The following PTPRD variants were observed in gnomAD, a reference collection of about 807,000 sequenced individuals.
The protein encoded by PTPRD is protein tyrosine phosphatase receptor type D, also known as receptor-type tyrosine-protein phosphatase delta.
A neutral mutation model predicts 214.5 loss-of-function variants in PTPRD; 34 were observed. The observed-to-expected ratio is 0.16, with a 90% CI of 0.12 to 0.21. The LOEUF is 0.21. Ranked by LOEUF, PTPRD falls within the 10% of genes least tolerant of loss-of-function variation. The pLI is 1.00. For missense variants in PTPRD, 2,545 were observed against 2,398.7 expected (o/e 1.06, Z -1.27); for synonymous variants, 1,128 against 845.7 (o/e 1.33, Z -5.79).
At chr9:10,022,327 G>C (rs1272382628) in intron 4 of PTPRD, among the ~76,000 whole-genome samples, 9 of 128,026 alleles carry the variant, frequency 7.0e-5, no homozygotes, top group Non-Finnish European at 1.3e-4. Flanking sequence ...ACATAAGGCA[G>C]TTTGGGTCTC....
chr9:9,471,159 G>A (rs1255723404), intron 8 of PTPRD, among the ~76,000 whole-genome samples: 1 of 152,086 alleles, frequency 6.6e-6, no homozygotes, highest in Admixed American at 6.5e-5. Context: ...GCAAAATAAT[G>A]TATCATTTTC....
At chr9:9,851,580 T>A (rs1242560214) in intron 5 of PTPRD, among the ~76,000 whole-genome samples, 1 of 152,222 alleles carries the variant, frequency 6.6e-6, no homozygotes, top group Non-Finnish European at 1.5e-5. Context: ...TTAGTGCAGG[T>A]ACTTTTGTAG....
At chr9:8,996,040 G>T (rs1464953304) in intron 11 of PTPRD, among the ~76,000 whole-genome samples, 4 of 152,006 alleles carry the variant, frequency 2.6e-5, no homozygotes, top group South Asian at 2.1e-4. Context: ...TTGAAAAACA[G>T]TTTGGCAGTT....
At chr9:8,932,619 G>A (rs532478814) in intron 11 of PTPRD, among the ~76,000 whole-genome samples, 1 of 152,292 alleles carries the variant, frequency 6.6e-6, no homozygotes, top group South Asian at 2.1e-4. Context: ...GCTTTGCCAA[G>A]TTGTGGTGGG....
intron 12 of PTPRD, among the ~76,000 whole-genome samples, chr9:8,657,121 G>C (rs975800154): frequency 4.0e-5 from 6 of 149,468 alleles, no homozygotes; most frequent in Non-Finnish European, 8.9e-5. Context: ...TTGGTCACAT[G>C]TATGTCTTCT....
intron 5 of PTPRD, among the ~76,000 whole-genome samples, chr9:9,876,062 T>C (rs2066768211): frequency 6.6e-6 from 1 of 151,914 alleles, no homozygotes; most frequent in African/African-American, 2.4e-5. Flanking sequence ...GAATAAAGGA[T>C]AGTTGGAAGG....
intron 5 of PTPRD, among the ~76,000 whole-genome samples, chr9:9,804,675 A>T (rs2099062114): frequency 6.6e-6 from 1 of 152,058 alleles, no homozygotes; most frequent in African/African-American, 2.4e-5. Context: ...ACTCATGAAC[A>T]TAAAGGCATT....
intron 10 of PTPRD, among the ~76,000 whole-genome samples, chr9:9,085,171 C>G (rs892852640): frequency 6.6e-6 from 1 of 151,786 alleles, no homozygotes; most frequent in Non-Finnish European, 1.5e-5. Flanking sequence ...GTGACTTTCT[C>G]TTTCTGTCAT....
intron 11 of PTPRD, among the ~76,000 whole-genome samples, chr9:8,963,440 A>T (rs1309105602): frequency 6.6e-6 from 1 of 152,138 alleles, no homozygotes; most frequent in Non-Finnish European, 1.5e-5. Context: ...GTTATATTTC[A>T]CAGAAAAAAA....
chr9:9,934,969 C>CA (rs1214312104), intron 5 of PTPRD, among the ~76,000 whole-genome samples: 1 of 152,098 alleles, frequency 6.6e-6, no homozygotes, highest in African/African-American at 2.4e-5. Context: ...GAGCCAAAGA[C>CA]AAAAACCACA....
At chr9:10,093,519 C>T (rs961403997) in intron 3 of PTPRD, among the ~76,000 whole-genome samples, 1 of 151,460 alleles carries the variant, frequency 6.6e-6, no homozygotes, top group African/African-American at 2.4e-5. Context: ...TTAGTTCAGC[C>T]ACTATGGAAA....
chr9:8,351,513 T>TAAAG (rs958993133), intron 39 of PTPRD, among the ~76,000 whole-genome samples: 1 of 151,762 alleles, frequency 6.6e-6, no homozygotes, highest in African/African-American at 2.4e-5. Context: ...TACAGTTCAA[T>TAAAG]AAAGAGTTGA....
Position 8,772,712 on chromosome 9 carries a change from T to C in PTPRD, c.-103-38766A>G, listed in dbSNP as rs528976683. 3.9e-5 allele frequency among the ~76,000 whole-genome samples: 6 copies of C among 152,254 alleles called. No homozygotes were observed. In the East Asian group the frequency reaches 1.2e-3, roughly 29 times the overall value. On this transcript the variant is annotated intron_variant, in intron 11 of 45. Transcript: ENST00000381196. The stretch of plus-strand genomic sequence containing the variant: ...TCTTGTCTGCTAACTCTAACATCTG[T>C]GTCAATTCTGAGTCAGTTTCAATAG...
intron 8 of PTPRD, among the ~76,000 whole-genome samples, chr9:9,527,488 G>T (rs2074394160): frequency 6.6e-6 from 1 of 152,084 alleles, no homozygotes; most frequent in African/African-American, 2.4e-5. Context: ...TTAAAAAATT[G>T]TAATCAAAAA....
At chr9:9,078,813 G>A (rs1569531836) in intron 10 of PTPRD, among the ~76,000 whole-genome samples, 2 of 151,954 alleles carry the variant, frequency 1.3e-5, no homozygotes, top group South Asian at 4.1e-4. Flanking sequence ...TGGGGCAGTG[G>A]GATGGGACTT....
chr9:10,291,135 G>C lies in PTPRD; in HGVS notation c.-545+49828C>G, dbSNP rs117712208. Among the ~76,000 whole-genome samples the C allele has an allele frequency of 8.6e-5, 13 of 151,724 alleles. No homozygotes were observed. In the East Asian group the frequency reaches 1.6e-3, roughly 18 times the overall value. On this transcript the variant is annotated intron_variant, in intron 3 of 45. Transcript: ENST00000381196. ...AACTTCCTAAGGGGCTTCTGAGAAA[G>C]GTTTCTTCAGTGATAAATAGAGACT...
At chr9:8,333,869 G>A (rs1206406753) in intron 43 of PTPRD, among the ~76,000 whole-genome samples, 1 of 151,914 alleles carries the variant, frequency 6.6e-6, no homozygotes, top group Non-Finnish European at 1.5e-5. Flanking sequence ...AAAAAGAGCA[G>A]GGGTTGCAAT....
At chr9:8,394,179 A>AG (rs1219725868) in intron 36 of PTPRD, among the ~76,000 whole-genome samples, 1 of 145,248 alleles carries the variant, frequency 6.9e-6, no homozygotes, top group East Asian at 1.9e-4. Flanking sequence ...ACCACCAAGA[A>AG]GAAAAAAAAA....
intron 2 of PTPRD, among the ~76,000 whole-genome samples, chr9:10,364,092 C>G (rs540992348): frequency 6.7e-6 from 1 of 149,904 alleles, no homozygotes; most frequent in South Asian, 2.1e-4. Flanking sequence ...CTCCCCCTCC[C>G]GGGTTCATGC....
Sources: allele counts gnomAD v4.1 joint callset (sites outside exome capture counted in the v4.1 genomes callset), GRCh38; gene constraint gnomAD v4.1.1; transcripts MANE v1.5; gene names NCBI Gene and HGNC (gene_info 2026-07-23, HGNC 2026-07-21).